Variants in UBE2E1 observed in about 807,000 individuals in gnomAD.
The protein encoded by UBE2E1 is ubiquitin conjugating enzyme E2 E1, also known as ubiquitin-conjugating enzyme E2 E1.
A neutral mutation model predicts 21.4 loss-of-function variants in UBE2E1; 6 were observed. The ratio of observed to expected loss-of-function variants is 0.28; its 90% CI spans 0.15 to 0.55. UBE2E1 has a LOEUF of 0.55. Among genes scored for constraint, UBE2E1 ranks in the 20% least tolerant of loss-of-function variants. The pLI, the probability that UBE2E1 is intolerant of heterozygous loss-of-function variation, is 0.93. For missense variants in UBE2E1, 142 were observed against 236.5 expected (o/e 0.60, Z 2.62); for synonymous variants, 87 against 82.7 (o/e 1.05, Z -0.28).
chr3:23,822,932 T>G (rs569730448), intron 3 of UBE2E1, among the ~76,000 whole-genome samples: 3 of 149,872 alleles, frequency 2.0e-5, no homozygotes, highest in Non-Finnish European at 4.4e-5. Flanking sequence ...CTGTTACCTG[T>G]GCCTCCCGGG....
Position 23,864,932 on chromosome 3 carries a change from T to A in UBE2E1, c.204-22635T>A, listed in dbSNP as rs367936352. Among the ~76,000 whole-genome samples the A allele has an allele frequency of 4.2e-4, 64 of 152,370 alleles. 1 individual carries two copies. Among genetic ancestry groups the A allele is most frequent in the African/African-American group, 1.5e-3 (63 of 41,590 alleles). On this transcript the variant is annotated intron_variant, in intron 3 of 5. Transcript: ENST00000306627. The stretch of plus-strand genomic sequence containing the variant: ...TTTCAGTACAGCACCTCTGCCCTCA[T>A]CCATGTTAATGACCACTGGTGCAGA...
At chr3:23,883,253 T>C (rs1701097047) in intron 3 of UBE2E1, among the ~76,000 whole-genome samples, 1 of 152,212 alleles carries the variant, frequency 6.6e-6, no homozygotes, top group African/African-American at 2.4e-5. Context: ...ACCAAAAGTA[T>C]CTTCTGGAGG....
In UBE2E1 at chr3:23,808,075, C is replaced by T. The variant is rs536419647; in HGVS notation, c.152+654C>T. Among the ~76,000 whole-genome samples, 62 of 152,236 alleles carry T rather than the reference C, an allele frequency of 4.1e-4. No individual in the cohort carries two copies. The highest frequency in any genetic ancestry group is 1.5e-3 in the African/African-American group (62 of 41,542). On this transcript the variant is annotated intron_variant, in intron 2 of 5. Coordinates refer to ENST00000306627, the MANE Select transcript of UBE2E1 (RefSeq NM_003341.5). This position sits in a 1 kb window ranked among gnomAD's most constrained non-coding sequence, Gnocchi z 4.9. ...GTTTACCAATTTCAGGGAGACTTGT[C>T]TTTTTTTCATGCTATTTGCTGTCCT...
chr3:23,854,113 C>T (rs970209860), intron 3 of UBE2E1, among the ~76,000 whole-genome samples: 2 of 151,940 alleles, frequency 1.3e-5, no homozygotes, highest in African/African-American at 2.4e-5. Flanking sequence ...GAAAAATTAA[C>T]CGATTGTGGT....
intron 5 of UBE2E1, chr3:23,889,513 C>CA (rs1701295253): frequency 7.2e-7 from 1 of 1,387,196 alleles, no homozygotes; most frequent in Admixed American, 3.5e-5. Context: ...CTTTTAGTTT[C>CA]AATTATTCTT....
In UBE2E1 at chr3:23,871,278, C is replaced by G. The variant is rs567039962; in HGVS notation, c.204-16289C>G. Among the ~76,000 whole-genome samples the G allele has an allele frequency of 6.2e-4, 68 of 109,366 alleles. 14 individuals carry two copies. Among genetic ancestry groups the G allele is most frequent in the African/African-American group, 1.3e-3 (30 of 23,464 alleles). 71.7% of individuals were successfully genotyped at this position (109,366 alleles called of 152,430 possible). On this transcript the variant is annotated intron_variant, in intron 3 of 5. Transcript: ENST00000306627. ...GCCGGGCAGAGGCGCCCCTCACCTC[C>G]CGGACTGGGCGGCTGGCCGGGCAGA...
intron 3 of UBE2E1, among the ~76,000 whole-genome samples, chr3:23,831,518 CT>C (rs11430039): frequency 1.2e-3 from 164 of 137,190 alleles, no homozygotes; most frequent in Admixed American, 1.8e-3. Flanking sequence ...AAAATGAATA[CT>C]TTTTTTTTTT....
intron 3 of UBE2E1, among the ~76,000 whole-genome samples, chr3:23,845,589 C>CTGTGTGTGTGTGTGTG (rs377458829): frequency 0.013 from 1,585 of 121,194 alleles, 24 homozygotes; most frequent in African/African-American, 0.032. Context: ...CTCTCTCTCT[C>CTGTGTGTGTGTGTGTG]TGTGTGTGTG....
At chr3:23,888,967 C>T (rs1701272699) in intron 4 of UBE2E1, 145 bp from the exon 5 acceptor site, 2 of 800,732 alleles carry the variant, frequency 2.5e-6, no homozygotes, top group Admixed American at 3.5e-5. Flanking sequence ...TATCAATGAA[C>T]ACTTTCTAAT....
chr3:23,836,329 G>A lies in UBE2E1; in HGVS notation c.203+24819G>A, dbSNP rs967277919. 4.6e-5 allele frequency among the ~76,000 whole-genome samples: 7 copies of A among 152,160 alleles called. No individual in the cohort carries two copies. Among genetic ancestry groups the A allele is most frequent in the African/African-American group, 1.7e-4 (7 of 41,434 alleles). On this transcript the variant is annotated intron_variant, in intron 3 of 5. Coordinates refer to ENST00000306627, the MANE Select transcript of UBE2E1 (RefSeq NM_003341.5). The surrounding 1 kb of genome is among the most constrained non-coding windows in gnomAD (Gnocchi z 4.1). The stretch of plus-strand genomic sequence containing the variant: ...AAAAAAGAGTTTCTCTTTTCACTTA[G>A]TCCTCACAAGTTTTCACCTATAATG...
chr3:23,854,202 G>C (rs1700387952), intron 3 of UBE2E1, among the ~76,000 whole-genome samples: 1 of 141,844 alleles, frequency 7.1e-6, no homozygotes. Context: ...AGGTTGCAGT[G>C]AGCCAAAATT....
chr3:23,861,957 C>T (rs575733400), intron 3 of UBE2E1, among the ~76,000 whole-genome samples: 2 of 152,358 alleles, frequency 1.3e-5, no homozygotes, highest in South Asian at 4.1e-4. Context: ...TCTAATTGAG[C>T]TGGTTAACAG....
chr3:23,887,463 G>A lies in UBE2E1; in HGVS notation c.204-104G>A. On this transcript the variant is annotated intron_variant, in intron 3 of 5. Coordinates refer to ENST00000306627, the MANE Select transcript of UBE2E1 (RefSeq NM_003341.5). This position sits in a 1 kb window ranked among gnomAD's most constrained non-coding sequence, Gnocchi z 4.4. ...TTGTTTTGTAAAGAGAATCCACACA[G>A]TAAACAAAAGAGAGGAGAGAGGTAA... is the stretch of plus-strand genomic sequence containing the variant. The A allele has an allele frequency of 7.0e-7, 1 of 1,428,632 alleles. No individual in the cohort carries two copies. The highest frequency in any genetic ancestry group is 1.6e-5 in the South Asian group (1 of 63,644). 88.5% of individuals were successfully genotyped at this position (1,428,632 alleles called of 1,614,324 possible).
intron 3 of UBE2E1, among the ~76,000 whole-genome samples, chr3:23,843,352 G>A (rs1700133707): frequency 6.6e-6 from 1 of 152,156 alleles, no homozygotes; most frequent in Admixed American, 6.5e-5. Context: ...TGTGCACAAT[G>A]TTTTATGAGT....
chr3:23,825,244 T>C (rs527843906), intron 3 of UBE2E1, among the ~76,000 whole-genome samples: 40 of 152,326 alleles, frequency 2.6e-4, no homozygotes, highest in Admixed American at 7.2e-4. Flanking sequence ...CCTGTGTTTC[T>C]CTGCCTGTTT....
chr3:23,854,335 A>C (rs1308115145), intron 3 of UBE2E1, among the ~76,000 whole-genome samples: 1 of 151,858 alleles, frequency 6.6e-6, no homozygotes, highest in Admixed American at 6.6e-5. Context: ...TGAGAGATAT[A>C]CCAAAGTATT....
chr3:23,844,976 G>C (rs983717040), intron 3 of UBE2E1, among the ~76,000 whole-genome samples: 2 of 152,084 alleles, frequency 1.3e-5, no homozygotes, highest in African/African-American at 4.8e-5. Flanking sequence ...CAAACACTGA[G>C]GACAAGATGG....
intron 1 of UBE2E1, 85 bp from the exon 2 acceptor site, chr3:23,807,152 A>G: frequency 1.7e-6 from 2 of 1,210,114 alleles, no homozygotes; most frequent in Non-Finnish European, 2.2e-6. Context: ...GCCCCTGGTC[A>G]ATGCCCTCCT....
intron 3 of UBE2E1, among the ~76,000 whole-genome samples, chr3:23,883,078 C>T (rs565606745): frequency 6.6e-6 from 1 of 152,318 alleles, no homozygotes; most frequent in South Asian, 2.1e-4. Flanking sequence ...TGCCAGCATG[C>T]TGTCACCTCT....
Sources: allele counts gnomAD v4.1 joint callset (sites outside exome capture counted in the v4.1 genomes callset), GRCh38; gene constraint gnomAD v4.1.1; non-coding constraint Gnocchi (gnomAD v3.1); transcripts MANE v1.5; gene names NCBI Gene and HGNC (gene_info 2026-07-23, HGNC 2026-07-21).